Variants in VANGL1 observed in about 807,000 individuals in gnomAD.
VANGL1 encodes the protein vang-like protein 1.
VANGL1 carries 18 observed loss-of-function variants against 48.4 expected under a neutral mutation model. The ratio of observed to expected loss-of-function variants is 0.37; its 90% CI spans 0.26 to 0.55. The LOEUF (loss-of-function observed/expected upper bound fraction) is 0.55. Ranked by LOEUF, VANGL1 falls within the 20% of genes least tolerant of loss-of-function variation. The pLI is 0.81. For missense variants in VANGL1, 667 were observed against 675.8 expected (o/e 0.99, Z 0.14); for synonymous variants, 257 against 261.8 (o/e 0.98, Z 0.18).
rs1652693926 is a variant in VANGL1, at chr1:115,664,306, A to G, written c.812+38A>G. The G allele has an allele frequency of 4.4e-6, 7 of 1,606,556 alleles. No individual in the cohort carries two copies. In the East Asian group the frequency reaches 1.6e-4, roughly 36 times the overall value. The stretch of plus-strand genomic sequence containing the variant: ...ATCCAGGAGGCAGAAAGGATGGCTG[A>G]TGTCTTGCTGGGAGACAGCTGCTCT... On this transcript the variant is annotated intron_variant, in intron 4 of 7. Transcript: ENST00000355485.
rs61797705 is a variant in VANGL1, at chr1:115,687,993, C to G, written c.1314+2466C>G. ...AGATAGATAGATAGATAGATAGACA[C>G]ATAGATAGATACATAGATAGATACA... On this transcript the variant is annotated intron_variant, in intron 7 of 7. Coordinates refer to ENST00000355485, the MANE Select transcript of VANGL1 (RefSeq NM_138959.3). Among the ~76,000 whole-genome samples the G allele has an allele frequency of 7.3e-5, 8 of 109,174 alleles. 2 individuals are homozygous for G. Among genetic ancestry groups the G allele is most frequent in the East Asian group, 5.3e-4 (2 of 3,792 alleles). The allele number at this position is 109,174 out of a possible 152,430, so 71.6% of individuals were successfully genotyped here.
chr1:115,689,807 T>A (rs1338604835), intron 7 of VANGL1, among the ~76,000 whole-genome samples: 1 of 136,282 alleles, frequency 7.3e-6, no homozygotes, highest in Non-Finnish European at 1.6e-5. Context: ...AACACAAAAA[T>A]TAGCCAGGTG....
intron 4 of VANGL1, among the ~76,000 whole-genome samples, chr1:115,680,015 G>A (rs60839028): frequency 0.25 from 27,464 of 108,960 alleles, 2,605 homozygotes; most frequent in South Asian, 0.36. Flanking sequence ...GTGTGTGTGT[G>A]TGTGTGTATG....
At chr1:115,652,450 C>G (rs1464329633) in intron 2 of VANGL1, among the ~76,000 whole-genome samples, 1 of 152,208 alleles carries the variant, frequency 6.6e-6, no homozygotes, top group African/African-American at 2.4e-5. Flanking sequence ...GCCTTGTCAT[C>G]TGTAAAATGG....
At chr1:115,671,164 T>C (rs11590278) in intron 4 of VANGL1, 2,361 of 152,450 alleles carry the variant, frequency 0.015, 19 homozygotes, top group Non-Finnish European at 0.024. Flanking sequence ...CTGGTTTTCA[T>C]GGTCTCCTGA....
chr1:115,697,853 T>G lies in VANGL1; in HGVS notation c.*6474T>G, dbSNP rs886045152. 1.2e-4 allele frequency: 19 copies of G among 152,216 alleles called. No homozygotes were observed. Among genetic ancestry groups the G allele is most frequent in the Non-Finnish European group, 2.6e-4 (18 of 68,036 alleles). The allele number at this position is 152,216 out of a possible 1,614,324, so 9.4% of individuals were successfully genotyped here. A position where few individuals can be genotyped will look rare whatever the true frequency, so the allele number is the denominator to read the frequency against. On this transcript the variant is annotated 3_prime_UTR_variant, in exon 8 of 8. Transcript: ENST00000355485. ...ACATTGTAACCAGGAGGGGCAGTTT[T>G]GCCAACCAGCCTCTGCTCATGGTCA...
intron 4 of VANGL1, among the ~76,000 whole-genome samples, chr1:115,668,283 CA>C (rs61291517): frequency 0.037 from 5,634 of 152,326 alleles, 386 homozygotes; most frequent in African/African-American, 0.13. Flanking sequence ...GAGTGTTTCC[CA>C]TGTGCCAGCC....
intron 1 of VANGL1, among the ~76,000 whole-genome samples, chr1:115,648,315 T>C (rs768679477): frequency 2.6e-4 from 39 of 152,294 alleles, no homozygotes; most frequent in Non-Finnish European, 5.4e-4. Flanking sequence ...TTGAGTTGTT[T>C]CAGTGGAGTG....
At chr1:115,672,352 C>T (rs988857390) in intron 4 of VANGL1, among the ~76,000 whole-genome samples, 2 of 152,164 alleles carry the variant, frequency 1.3e-5, no homozygotes, top group African/African-American at 2.4e-5. Flanking sequence ...TCCAGCCTTC[C>T]GATATTGGTT....
Position 115,682,212 on chromosome 1 carries a change from G to A in VANGL1, c.813-152G>A, listed in dbSNP as rs886928581. 1.7e-5 allele frequency: 19 copies of A among 1,115,528 alleles called. No homozygotes were observed. In the African/African-American group the frequency reaches 2.2e-4, roughly 13 times the overall value. 69.1% of individuals were successfully genotyped at this position (1,115,528 alleles called of 1,614,324 possible). A position where few individuals can be genotyped will look rare whatever the true frequency, so the allele number is the denominator to read the frequency against. Reference sequence around the variant, plus strand: ...GTTTCAGCTTTAAGTTCTCATCCTGGAGACCAGAAGTGTGGTGGAACCCAG... The same window carrying A: ...GTTTCAGCTTTAAGTTCTCATCCTGAAGACCAGAAGTGTGGTGGAACCCAG... On this transcript the variant is annotated intron_variant, in intron 4 of 7. Coordinates refer to ENST00000355485, the MANE Select transcript of VANGL1 (RefSeq NM_138959.3).
intron 2 of VANGL1, 76 bp downstream of exon 2, chr1:115,651,560 T>C: frequency 7.8e-7 from 1 of 1,286,952 alleles, no homozygotes; most frequent in Non-Finnish European, 1.1e-6. Context: ...ACACTCACTT[T>C]TCAGTGACTC....
At chr1:115,659,512 TG>T in intron 2 of VANGL1, 128 bp from the exon 3 acceptor site, 1 of 919,886 alleles carries the variant, frequency 1.1e-6, no homozygotes, top group Admixed American at 2.2e-5. Context: ...GCTCTGTGTG[TG>T]TGTGTGTGTG....
At chr1:115,644,211 C>T (rs1170691132) in intron 1 of VANGL1, among the ~76,000 whole-genome samples, 1 of 152,180 alleles carries the variant, frequency 6.6e-6, no homozygotes, top group Non-Finnish European at 1.5e-5. Flanking sequence ...AACGTTTAAG[C>T]CCTGGCTCCT....
intron 4 of VANGL1, among the ~76,000 whole-genome samples, chr1:115,678,634 A>G (rs1045928687): frequency 1.2e-4 from 18 of 152,132 alleles, no homozygotes; most frequent in African/African-American, 3.9e-4. Context: ...GACTTAAATC[A>G]TATATCACAT....
intron 3 of VANGL1, among the ~76,000 whole-genome samples, chr1:115,663,002 T>G (rs1177009091): frequency 6.6e-6 from 1 of 152,056 alleles, no homozygotes; most frequent in Non-Finnish European, 1.5e-5. Context: ...GGCCAGGATG[T>G]TCTTGATCTC....
chr1:115,662,406 T>A (rs555614104), intron 3 of VANGL1, among the ~76,000 whole-genome samples: 41 of 152,224 alleles, frequency 2.7e-4, no homozygotes, highest in Non-Finnish European at 5.6e-4. Flanking sequence ...GGCAGAAACC[T>A]CTTTGGCCTC....
At chr1:115,662,587 G>T (rs1652600728) in intron 3 of VANGL1, among the ~76,000 whole-genome samples, 1 of 152,176 alleles carries the variant, frequency 6.6e-6, no homozygotes, top group South Asian at 2.1e-4. Context: ...GAAAGTAAAA[G>T]ATAACATTTT....
intron 2 of VANGL1, among the ~76,000 whole-genome samples, chr1:115,654,254 C>T (rs1652259997): frequency 6.6e-6 from 1 of 151,882 alleles, no homozygotes; most frequent in African/African-American, 2.4e-5. Flanking sequence ...ATGAAATGCA[C>T]CAAACTTGAT....
chr1:115,682,006 T>C (rs1306577019), intron 4 of VANGL1, among the ~76,000 whole-genome samples: 1 of 152,262 alleles, frequency 6.6e-6, no homozygotes, highest in Admixed American at 6.5e-5. Context: ...CTTGCCCTTT[T>C]GGGGGCATCC....
Sources: gnomAD v4.1 joint callset for allele counts (sites outside exome capture counted in the v4.1 genomes callset) on GRCh38, gnomAD v4.1.1 for gene constraint, MANE v1.5 for transcripts, NCBI Gene and HGNC (gene_info 2026-07-23, HGNC 2026-07-21) for gene names.